ATP1B2: variants seen among roughly 807,000 people sequenced by gnomAD.
The protein encoded by ATP1B2 is ATPase Na+/K+ transporting subunit beta 2.
ATP1B2 carries 12 observed loss-of-function variants against 37.3 expected under a neutral mutation model. The observed-to-expected ratio is 0.32, with a 90% CI of 0.21 to 0.52. The LOEUF is 0.52. ATP1B2 is among the 20% of genes least tolerant of loss of function. The pLI is 0.96. For missense variants in ATP1B2, 324 were observed against 391.6 expected (o/e 0.83, Z 1.46); for synonymous variants, 139 against 140.5 (o/e 0.99, Z 0.07).
upstream of ATP1B2, among the ~76,000 whole-genome samples, chr17:7,647,423 A>C (rs1163891505): frequency 6.6e-6 from 1 of 152,202 alleles, no homozygotes; most frequent in Non-Finnish European, 1.5e-5. Context: ...GCACTTTGGG[A>C]GGCCAAGATG....
chr17:7,652,349 G>C (rs889678980), intron 1 of ATP1B2, among the ~76,000 whole-genome samples: 2 of 152,088 alleles, frequency 1.3e-5, no homozygotes, highest in African/African-American at 2.4e-5. Context: ...CGGGGGTTGG[G>C]GGGGTGGAGG....
rs941521320 is a variant in ATP1B2, at chr17:7,655,024, C to T, written c.609+340C>T. 6.6e-6 allele frequency among the ~76,000 whole-genome samples: 1 copy of T among 152,108 alleles called. No homozygotes were observed. The highest frequency in any genetic ancestry group is 2.4e-5 in the African/African-American group (1 of 41,410). ...TGTCCGTATCGTTCGCTCTCCCTCC[C>T]ATATGGCCCCCACCCGTCAGTTCCT... On this transcript the variant is annotated intron_variant, in intron 5 of 6. Coordinates refer to ENST00000250111, the MANE Select transcript of ATP1B2 (RefSeq NM_001678.5). The surrounding 1 kb of genome is among the most constrained non-coding windows in gnomAD (Gnocchi z 4.4).
upstream of ATP1B2, among the ~76,000 whole-genome samples, chr17:7,649,228 G>A (rs562327567): frequency 2.1e-5 from 3 of 144,700 alleles, no homozygotes; most frequent in South Asian, 6.7e-4. Context: ...AATTTTTTTA[G>A]TTTTAGTAGA....
chr17:7,647,156 C>A (rs1423306831), upstream of ATP1B2, among the ~76,000 whole-genome samples: 1 of 149,992 alleles, frequency 6.7e-6, no homozygotes, highest in African/African-American at 2.5e-5. Flanking sequence ...AGAGACCACA[C>A]TCTCCACTGG....
upstream of ATP1B2, among the ~76,000 whole-genome samples, chr17:7,650,598 C>G (rs2072603939): frequency 6.6e-6 from 1 of 152,184 alleles, no homozygotes; most frequent in Admixed American, 6.5e-5. Context: ...TTCTAACTCC[C>G]TGCCTGGGGC....
chr17:7,654,904 G>A lies in ATP1B2; in HGVS notation c.609+220G>A. ...GCTTCTCTCTGGGATGCAGAGGCCT[G>A]CTCTCCTAGGGGCCAGACACACGCC... On this transcript the variant is annotated intron_variant, in intron 5 of 6. Coordinates refer to ENST00000250111, the MANE Select transcript of ATP1B2 (RefSeq NM_001678.5). The surrounding 1 kb of genome is among the most constrained non-coding windows in gnomAD (Gnocchi z 4.9). 1.8e-6 allele frequency: 1 copy of A among 561,472 alleles called. No homozygotes were observed. Among genetic ancestry groups the A allele is most frequent in the Non-Finnish European group, 3.2e-6 (1 of 314,102 alleles). The allele number at this position is 561,472 out of a possible 1,614,324, so 34.8% of individuals were successfully genotyped here. A position where few individuals can be genotyped will look rare whatever the true frequency, so the allele number is the denominator to read the frequency against.
upstream of ATP1B2, among the ~76,000 whole-genome samples, chr17:7,650,088 T>A (rs1430939919): frequency 6.6e-6 from 1 of 152,196 alleles, no homozygotes. Flanking sequence ...GTAACCTCTC[T>A]GGCCTCCCCA....
At chr17:7,650,477 G>A (rs1247088113), upstream of ATP1B2, among the ~76,000 whole-genome samples, 1 of 152,102 alleles carries the variant, frequency 6.6e-6, no homozygotes, top group Non-Finnish European at 1.5e-5. Flanking sequence ...GGCTCGGCCA[G>A]CCTCCCGGCT....
At chr17:7,649,410 C>T (rs182181853), upstream of ATP1B2, among the ~76,000 whole-genome samples, 5 of 151,404 alleles carry the variant, frequency 3.3e-5, no homozygotes, top group Admixed American at 2.0e-4. Context: ...TTTTTTGAGA[C>T]GAAGTCTCAC....
rs1051056077 is a variant in ATP1B2, at chr17:7,655,094, C to A, written c.609+410C>A. On this transcript the variant is annotated intron_variant, in intron 5 of 6. Transcript: ENST00000250111. The surrounding 1 kb of genome is among the most constrained non-coding windows in gnomAD (Gnocchi z 4.4). ...CTGATCTGTTAGCACCATCTGCCAC[C>A]AGTTCGTTGTCCTTGGGACCCTGTT... 9 of 307,330 alleles carry A rather than the reference C, an allele frequency of 2.9e-5. No homozygotes were observed. Among genetic ancestry groups the A allele is most frequent in the Non-Finnish European group, 5.5e-5 (9 of 164,226 alleles). The allele number at this position is 307,330 out of a possible 1,614,324, so 19.0% of individuals were successfully genotyped here. A position where few individuals can be genotyped will look rare whatever the true frequency, so the allele number is the denominator to read the frequency against.
chr17:7,650,757 G>A (rs1242011997), upstream of ATP1B2, among the ~76,000 whole-genome samples: 1 of 152,010 alleles, frequency 6.6e-6, no homozygotes, highest in African/African-American at 2.4e-5. Context: ...TGGAGAGACA[G>A]CTAGGTCCCT....
In ATP1B2 at chr17:7,657,616, G is replaced by GT. The variant is rs1358537386; in HGVS notation, c.*1724dup. 6.6e-6 allele frequency: 1 copy of GT among 152,246 alleles called. No individual in the cohort carries two copies. Among genetic ancestry groups the GT allele is most frequent in the Non-Finnish European group, 1.5e-5 (1 of 68,020 alleles). 9.4% of individuals were successfully genotyped at this position (152,246 alleles called of 1,614,324 possible). A position where few individuals can be genotyped will look rare whatever the true frequency, so the allele number is the denominator to read the frequency against. ...TCCCTTTTTCTCTAGCTGGATCTGTGTTTCTTCCCTTCGGGCCCCCATGTT... is the reference window on the plus strand; with the variant it reads ...TCCCTTTTTCTCTAGCTGGATCTGTGTTTTCTTCCCTTCGGGCCCCCATGTT... On this transcript the variant is annotated 3_prime_UTR_variant, in exon 7 of 7. Coordinates refer to ENST00000250111, the MANE Select transcript of ATP1B2 (RefSeq NM_001678.5).
Position 7,655,136 on chromosome 17 carries a change from G to T in ATP1B2, c.610-391G>T. 3.1e-6 allele frequency: 1 copy of T among 325,224 alleles called. No individual in the cohort carries two copies. The highest frequency in any genetic ancestry group is 5.7e-6 in the Non-Finnish European group (1 of 175,136). The allele number at this position is 325,224 out of a possible 1,614,324, so 20.1% of individuals were successfully genotyped here. The stretch of plus-strand genomic sequence containing the variant: ...GACCCTGTTCCCCGCTTCCCCCCCG[G>T]TCTGTCCTTTCTAGAAACTGGCTGC... On this transcript the variant is annotated intron_variant, in intron 5 of 6. Transcript: ENST00000250111. This position sits in a 1 kb window ranked among gnomAD's most constrained non-coding sequence, Gnocchi z 4.4.
upstream of ATP1B2, among the ~76,000 whole-genome samples, chr17:7,650,158 C>T (rs1453546415): frequency 1.3e-5 from 2 of 152,154 alleles, no homozygotes; most frequent in Non-Finnish European, 2.9e-5. Context: ...CAAGTAGACA[C>T]ATAAGGAGGT....
Position 7,654,553 on chromosome 17 carries a change from G to T in ATP1B2, c.553-75G>T. The T allele has an allele frequency of 6.0e-6, 9 of 1,509,032 alleles. No individual in the cohort carries two copies. The highest frequency in any genetic ancestry group is 8.3e-6 in the Non-Finnish European group (9 of 1,085,026). 93.5% of individuals were successfully genotyped at this position (1,509,032 alleles called of 1,614,324 possible). On this transcript the variant is annotated intron_variant, in intron 4 of 6. Transcript: ENST00000250111. The surrounding 1 kb of genome is among the most constrained non-coding windows in gnomAD (Gnocchi z 4.9). Reference sequence around the variant, plus strand: ...CCTAGTAGTTGGGACTACAGTCCCCGGCTTAGCTTGGTCTGGATGCCCATC... The same window carrying T: ...CCTAGTAGTTGGGACTACAGTCCCCTGCTTAGCTTGGTCTGGATGCCCATC...
upstream of ATP1B2, among the ~76,000 whole-genome samples, chr17:7,650,776 T>C (rs1187615864): frequency 6.6e-6 from 1 of 150,720 alleles, no homozygotes; most frequent in African/African-American, 2.4e-5. Context: ...CTAAGAGAAG[T>C]CAGGGGGGCG....
Position 7,651,312 on chromosome 17 carries a change from G to C in ATP1B2, c.-207G>C, listed in dbSNP as rs898123095. 1.7e-6 allele frequency: 1 copy of C among 578,646 alleles called. No homozygotes were observed. The highest frequency in any genetic ancestry group is 2.0e-5 in the South Asian group (1 of 51,174). The allele number at this position is 578,646 out of a possible 1,614,324, so 35.8% of individuals were successfully genotyped here. Reference sequence around the variant, plus strand: ...ATCGCAGTTGGGGGGCCTAGGATCGGTGCATCTTCCGCCGCGCTGCCAGCA... The same window carrying C: ...ATCGCAGTTGGGGGGCCTAGGATCGCTGCATCTTCCGCCGCGCTGCCAGCA... On this transcript the variant is annotated 5_prime_UTR_variant, in exon 1 of 7. Coordinates refer to ENST00000250111, the MANE Select transcript of ATP1B2 (RefSeq NM_001678.5).
chr17:7,653,716 C>A, intron 2 of ATP1B2, 125 bp from the exon 3 acceptor site: 1 of 1,247,078 alleles, frequency 8.0e-7, no homozygotes, highest in Non-Finnish European at 1.1e-6. Flanking sequence ...ATCACCCTCC[C>A]ATGAAGACGA....
At chr17:7,648,637 A>G (rs150627772), upstream of ATP1B2, among the ~76,000 whole-genome samples, 6 of 150,344 alleles carry the variant, frequency 4.0e-5, no homozygotes, top group Non-Finnish European at 5.9e-5. Flanking sequence ...TTTTTCCCCT[A>G]GGTTTTGAAC....
Sources: allele counts gnomAD v4.1 joint callset (sites outside exome capture counted in the v4.1 genomes callset), GRCh38; gene constraint gnomAD v4.1.1; non-coding constraint Gnocchi (gnomAD v3.1); transcripts MANE v1.5; gene names NCBI Gene and HGNC (gene_info 2026-07-23, HGNC 2026-07-21).